The following BCL9 variants were observed in gnomAD, a reference collection of about 807,000 sequenced individuals.
BCL9 encodes BCL9 transcription coactivator.
BCL9 carries 25 observed loss-of-function variants against 88.5 expected under a neutral mutation model. The observed-to-expected ratio is 0.28, with a 90% CI of 0.21 to 0.39. BCL9 has a LOEUF of 0.39. Among genes scored for constraint, BCL9 ranks in the 10% least tolerant of loss-of-function variants. The pLI, the probability that BCL9 is intolerant of heterozygous loss-of-function variation, is 1.00. For synonymous variants in BCL9, 711 were observed against 673.3 expected (o/e 1.06, Z -0.87); for missense variants, 1,817 against 1,877.8 (o/e 0.97, Z 0.60).
At chr1:147,568,202 A>G (rs1255921453) in intron 1 of BCL9, among the ~76,000 whole-genome samples, 1 of 152,240 alleles carries the variant, frequency 6.6e-6, no homozygotes, top group African/African-American at 2.4e-5. Context: ...CTGTCATAGG[A>G]TTGAAGCACT....
intron 1 of BCL9, among the ~76,000 whole-genome samples, chr1:147,583,359 C>A (rs1656452691): frequency 1.3e-5 from 2 of 151,986 alleles, no homozygotes; most frequent in Non-Finnish European, 2.9e-5. Flanking sequence ...CTTATTGCAA[C>A]CTCCACCTCC....
chr1:147,617,529 C>CGTAA (rs1553119664), intron 7 of BCL9, among the ~76,000 whole-genome samples: 63,562 of 151,744 alleles, frequency 0.42, 14,691 homozygotes, highest in Non-Finnish European at 0.52. Context: ...GCTGATCTTA[C>CGTAA]CCACACAACT....
chr1:147,615,234 A>C (rs1658218254), intron 6 of BCL9, among the ~76,000 whole-genome samples: 1 of 152,198 alleles, frequency 6.6e-6, no homozygotes, highest in Non-Finnish European at 1.5e-5. Context: ...ACAAGTAACA[A>C]ATGTCCATTC....
At chr1:147,594,203 G>C (rs587645410) in intron 1 of BCL9, among the ~76,000 whole-genome samples, 1 of 152,176 alleles carries the variant, frequency 6.6e-6, no homozygotes, top group African/African-American at 2.4e-5. Flanking sequence ...TATCTGGCAA[G>C]AGCATGTAGA....
chr1:147,610,184 A>AAG (rs1657927126), intron 3 of BCL9, among the ~76,000 whole-genome samples: 1 of 151,812 alleles, frequency 6.6e-6, no homozygotes, highest in Non-Finnish European at 1.5e-5. Flanking sequence ...ACCAAAAAAA[A>AAG]AAAGCTGGAA....
At chr1:147,600,559 G>A (rs181856826) in intron 1 of BCL9, among the ~76,000 whole-genome samples, 11 of 152,122 alleles carry the variant, frequency 7.2e-5, no homozygotes, top group Admixed American at 3.9e-4. Flanking sequence ...TTCACGGGCG[G>A]TGGAGAGAGA....
At chr1:147,612,126 C>T (rs1331216875) in intron 4 of BCL9, among the ~76,000 whole-genome samples, 1 of 152,112 alleles carries the variant, frequency 6.6e-6, no homozygotes, top group Non-Finnish European at 1.5e-5. Context: ...GACCTCTCCC[C>T]GCACCTCCCT....
intron 1 of BCL9, among the ~76,000 whole-genome samples, chr1:147,550,785 G>A (rs587603626): frequency 6.6e-6 from 1 of 152,198 alleles, no homozygotes; most frequent in African/African-American, 2.4e-5. Flanking sequence ...TGTGACCTTG[G>A]GCTGGTTATT....
intron 1 of BCL9, among the ~76,000 whole-genome samples, chr1:147,588,257 C>T (rs1245027206): frequency 3.3e-5 from 5 of 152,048 alleles, no homozygotes; most frequent in African/African-American, 7.2e-5. Flanking sequence ...CCCTAGTTTC[C>T]GTTGCGGACC....
intron 1 of BCL9, among the ~76,000 whole-genome samples, chr1:147,596,523 C>T (rs1657062272): frequency 6.6e-6 from 1 of 151,202 alleles, no homozygotes; most frequent in Non-Finnish European, 1.5e-5. Context: ...ACGCCATTCT[C>T]CTGCCTCAGG....
intron 1 of BCL9, among the ~76,000 whole-genome samples, chr1:147,595,566 G>C (rs1372942213): frequency 6.6e-6 from 1 of 152,184 alleles, no homozygotes; most frequent in African/African-American, 2.4e-5. Flanking sequence ...AATAAGAAAT[G>C]AGTCTGGGTT....
rs76379572 is a variant in BCL9, at chr1:147,565,560, G to A, written c.-478+23886G>A. Reference sequence around the variant, plus strand: ...AGCACATCTTTCCACTTCTACCTCTGTTAAATTACAAGTGTCCTAGAAGGC... The same window carrying A: ...AGCACATCTTTCCACTTCTACCTCTATTAAATTACAAGTGTCCTAGAAGGC... On this transcript the variant is annotated intron_variant, in intron 1 of 9. Coordinates refer to ENST00000234739, the MANE Select transcript of BCL9 (RefSeq NM_004326.4). Among the ~76,000 whole-genome samples the A allele has an allele frequency of 3.0e-3, 450 of 152,288 alleles. 1 individual carries two copies. The highest frequency in any genetic ancestry group is 0.01 in the African/African-American group (424 of 41,564).
At position 147,613,018 on chromosome 1, in the gene BCL9, C is replaced by G. The variant is rs1553202903; in HGVS notation, c.189C>G (p.Pro63=). 1 of 1,604,314 alleles carries G rather than the reference C, an allele frequency of 6.2e-7. No individual in the cohort carries two copies. Among genetic ancestry groups the G allele is most frequent in the East Asian group, 2.2e-5 (1 of 44,810 alleles). Residue 63 remains proline, a synonymous_variant, in exon 5 of 10, where the codon CCC becomes CCG. Transcript: ENST00000234739. ...GGSASQSQPS[P]CDSKSGGHTP... is the part of the protein sequence containing the mutation. Reference sequence around the variant, plus strand: ...CAGCCAGCCAATCCCAGCCATCCCCCTGTGACTCCAAGAGTGGGGGCCATA... The same window carrying G: ...CAGCCAGCCAATCCCAGCCATCCCCGTGTGACTCCAAGAGTGGGGGCCATA...
chr1:147,568,633 A>G (rs1205160289), intron 1 of BCL9, among the ~76,000 whole-genome samples: 1 of 152,054 alleles, frequency 6.6e-6, no homozygotes, highest in African/African-American at 2.4e-5. Context: ...GAGCTGATTC[A>G]AGAGGACTAT....
intron 3 of BCL9, among the ~76,000 whole-genome samples, chr1:147,608,902 A>G (rs1396032523): frequency 6.6e-6 from 1 of 152,216 alleles, no homozygotes; most frequent in Non-Finnish European, 1.5e-5. Flanking sequence ...TTAAATGCCC[A>G]CTACCACTTA....
At chr1:147,546,877 C>T (rs587775978) in intron 1 of BCL9, among the ~76,000 whole-genome samples, 1 of 152,246 alleles carries the variant, frequency 6.6e-6, no homozygotes, top group South Asian at 2.1e-4. Context: ...GACCAAAGAA[C>T]CATTTCTGAA....
chr1:147,620,301 A>G lies in BCL9; in HGVS notation c.2146A>G (p.Met716Val). 6.2e-7 allele frequency: 1 copy of G among 1,614,128 alleles called. No homozygotes were observed. ...ELEFGMVPSG[M>V]KGDVNLNVNM... The stretch of plus-strand genomic sequence containing the variant: ...TGAGTTTGGGATGGTTCCTAGTGGG[A>G]TGAAGGGAGATGTCAATCTAAATGT... Residue 716 changes from methionine (M) to valine (V), a missense_variant, in exon 8 of 10, where the codon ATG (methionine) becomes GTG (valine). Physicochemically the swap from Met to Val is conservative, Grantham distance 21. Around this residue, in one of 2 missense-constraint regions of BCL9, gnomAD observed 1,228 missense variants for 1,191.6 expected, o/e 1.03. Coordinates refer to ENST00000234739, the MANE Select transcript of BCL9 (RefSeq NM_004326.4).
intron 1 of BCL9, among the ~76,000 whole-genome samples, chr1:147,601,645 A>G (rs1307215343): frequency 2.6e-5 from 4 of 152,226 alleles, no homozygotes; most frequent in African/African-American, 7.2e-5. Flanking sequence ...TGTGTTTTCT[A>G]CTGAATACTA....
Position 147,620,555 on chromosome 1 carries a change from C to T in BCL9, c.2400C>T (p.Leu800=). ...GCAGCAACAGTGGCTTGCGGAATCT[C>T]AGAGAACCAATTGGGCCCGACCAGA... ...GPGSNSGLRN[L]REPIGPDQRT... The change falls in exon 8 of 10, where the codon CTC becomes CTT. Residue 800 remains leucine, a synonymous_variant. Transcript: ENST00000234739. 1 of 1,613,704 alleles carries T rather than the reference C, an allele frequency of 6.2e-7. No homozygotes were observed. The highest frequency in any genetic ancestry group is 8.5e-7 in the Non-Finnish European group (1 of 1,179,920).
Sources: allele counts gnomAD v4.1 joint callset (sites outside exome capture counted in the v4.1 genomes callset), GRCh38; gene constraint gnomAD v4.1.1; regional missense constraint gnomAD v4.1.1; transcripts MANE v1.5; gene names NCBI Gene and HGNC (gene_info 2026-07-23, HGNC 2026-07-21).